MYO3B: variants seen among roughly 807,000 people sequenced by gnomAD.
The protein encoded by MYO3B is myosin-IIIb.
A neutral mutation model predicts 174.6 loss-of-function variants in MYO3B; 156 were observed. The ratio of observed to expected loss-of-function variants is 0.89; its 90% CI spans 0.78 to 1.02. The LOEUF (loss-of-function observed/expected upper bound fraction) is 1.02, where lower values mean the gene tolerates loss of function less well. Among genes scored for constraint, MYO3B ranks in the 50% least tolerant of loss-of-function variants. MYO3B has a pLI of 0.00. For missense variants in MYO3B, 1,632 were observed against 1,639.4 expected, an observed-to-expected ratio of 1.00 and a Z score of 0.08; for synonymous variants, 563 against 569.1, an observed-to-expected ratio of 0.99 and a Z score of 0.15.
chr2:170,369,351 G>A lies in MYO3B; in HGVS notation c.945G>A (p.Lys315=). The change falls in exon 9 of 35, where the codon AAG becomes AAA. Residue 315 remains lysine, a synonymous_variant. Transcript: ENST00000408978. ...KQLAKVLQDQ[K]HQNPVAKTRH... ...TGGCCAAGGTTCTCCAAGACCAGAA[G>A]CATCAAAATCCTGTTGCTAAAACCA... is the stretch of plus-strand genomic sequence containing the variant. The A allele has an allele frequency of 6.2e-7, 1 of 1,613,284 alleles. No homozygotes were observed. The highest frequency in any genetic ancestry group is 8.5e-7 in the Non-Finnish European group (1 of 1,179,390).
intron 7 of MYO3B, among the ~76,000 whole-genome samples, chr2:170,246,385 G>A (rs2093189658): frequency 6.6e-6 from 1 of 152,234 alleles, no homozygotes. Context: ...CAGGTATGTT[G>A]AAGTTTTAAC....
intron 22 of MYO3B, among the ~76,000 whole-genome samples, chr2:170,430,871 G>C (rs1426721187): frequency 6.6e-6 from 1 of 152,116 alleles, no homozygotes; most frequent in Admixed American, 6.5e-5. Context: ...TGAAGTAGGG[G>C]GAATTAGATA....
At chr2:170,646,186 G>T (rs185825156) in intron 32 of MYO3B, among the ~76,000 whole-genome samples, 1 of 151,508 alleles carries the variant, frequency 6.6e-6, no homozygotes, top group East Asian at 2.0e-4. Context: ...AAGGAGAATC[G>T]CTTGAACCTG....
chr2:170,404,007 C>T (rs1042101907), intron 19 of MYO3B, among the ~76,000 whole-genome samples: 2 of 152,166 alleles, frequency 1.3e-5, no homozygotes, highest in African/African-American at 4.8e-5. Flanking sequence ...GTTACCAAGT[C>T]CACATTTGAG....
chr2:170,366,031 G>A (rs1209141074), intron 8 of MYO3B, among the ~76,000 whole-genome samples: 1 of 152,112 alleles, frequency 6.6e-6, no homozygotes, highest in Non-Finnish European at 1.5e-5. Flanking sequence ...TAGGAGGAGG[G>A]AGTGAAGTGA....
chr2:170,227,903 A>T (rs2092969649), intron 6 of MYO3B, among the ~76,000 whole-genome samples: 1 of 152,076 alleles, frequency 6.6e-6, no homozygotes, highest in African/African-American at 2.4e-5. Flanking sequence ...TAACTTTCTG[A>T]ATCTGTTTCC....
intron 6 of MYO3B, among the ~76,000 whole-genome samples, chr2:170,220,391 A>G (rs2092882508): frequency 6.6e-6 from 1 of 151,708 alleles, no homozygotes; most frequent in South Asian, 2.1e-4. Context: ...AGCACTTTGG[A>G]AGGCGGAGGC....
At chr2:170,216,015 G>C (rs1429586969) in intron 5 of MYO3B, among the ~76,000 whole-genome samples, 1 of 152,202 alleles carries the variant, frequency 6.6e-6, no homozygotes, top group Non-Finnish European at 1.5e-5. Context: ...AACCAGAAAG[G>C]TATAGTTGTT....
At chr2:170,234,913 T>A (rs183027664) in intron 6 of MYO3B, among the ~76,000 whole-genome samples, 1 of 152,342 alleles carries the variant, frequency 6.6e-6, no homozygotes, top group East Asian at 1.9e-4. Flanking sequence ...ACTGGTTTTG[T>A]TTCTTCTCCT....
At chr2:170,631,070 GAGA>G (rs59020848) in intron 32 of MYO3B, among the ~76,000 whole-genome samples, 36 of 152,344 alleles carry the variant, frequency 2.4e-4, no homozygotes, top group African/African-American at 8.4e-4. Flanking sequence ...GACGAGTTGA[GAGA>G]AGAAGGCTTC....
chr2:170,446,035 C>T (rs2094839848), intron 23 of MYO3B, among the ~76,000 whole-genome samples: 1 of 152,114 alleles, frequency 6.6e-6, no homozygotes, highest in Non-Finnish European at 1.5e-5. Context: ...TTAAACAGAC[C>T]TCAAAAAGGA....
At chr2:170,361,987 G>C (rs1472293514) in intron 8 of MYO3B, among the ~76,000 whole-genome samples, 2 of 152,120 alleles carry the variant, frequency 1.3e-5, no homozygotes, top group African/African-American at 4.8e-5. Flanking sequence ...AGGGTAAAGA[G>C]GTTCCTGGTT....
At chr2:170,439,075 G>T (rs937893256) in intron 22 of MYO3B, among the ~76,000 whole-genome samples, 24 of 131,788 alleles carry the variant, frequency 1.8e-4, no homozygotes, top group Non-Finnish European at 3.3e-4. Context: ...TATTTAAATT[G>T]TTTTTTTTTT....
chr2:170,402,385 C>T (rs1286570637), intron 18 of MYO3B, among the ~76,000 whole-genome samples: 2 of 152,130 alleles, frequency 1.3e-5, no homozygotes, highest in African/African-American at 2.4e-5. Context: ...TTAAAGCACA[C>T]TATCTTACAT....
At chr2:170,649,856 TAAAAAAAAA>T (rs56278025) in intron 32 of MYO3B, 1 of 116,718 alleles carries the variant, frequency 8.6e-6, no homozygotes, top group Non-Finnish European at 1.7e-5. Context: ...TGCTATAGTG[TAAAAAAAAA>T]AAAAAACAAA....
chr2:170,191,568 G>A (rs1479498699), intron 1 of MYO3B, among the ~76,000 whole-genome samples: 1 of 152,146 alleles, frequency 6.6e-6, no homozygotes, highest in Non-Finnish European at 1.5e-5. Context: ...CGTGGATGCT[G>A]GCTGAGTTCT....
At chr2:170,347,977 G>C (rs979318509) in intron 8 of MYO3B, 2 of 152,076 alleles carry the variant, frequency 1.3e-5, no homozygotes, top group African/African-American at 4.8e-5. Flanking sequence ...CATATAAATG[G>C]AATCATACAA....
At position 170,653,058 on chromosome 2, in the gene MYO3B, C is replaced by A. The variant is rs1699110779; in HGVS notation, c.3963C>A (p.Asn1321Lys). The stretch of plus-strand genomic sequence containing the variant: ...CAGTGGACTGTATCCCTGAGGAGAA[C>A]AACTCAGCCCACCCTTCCTTTTTTT... ...LSPVDCIPEE[N>K]NSAHPSFFSS... is the part of the protein sequence containing the mutation. The change falls in exon 35 of 35, where the codon AAC (asparagine) becomes AAA (lysine). Residue 1321 changes from asparagine (N) to lysine (K), a missense_variant. Physicochemically the swap from Asn to Lys is moderately conservative, Grantham distance 94. Coordinates refer to ENST00000408978, the MANE Select transcript of MYO3B (RefSeq NM_138995.5). 6.2e-7 allele frequency: 1 copy of A among 1,614,044 alleles called. No homozygotes were observed. The highest frequency in any genetic ancestry group is 1.1e-5 in the South Asian group (1 of 91,080).
intron 6 of MYO3B, among the ~76,000 whole-genome samples, chr2:170,226,126 C>T (rs943405866): frequency 6.6e-6 from 1 of 152,134 alleles, no homozygotes; most frequent in African/African-American, 2.4e-5. Flanking sequence ...AATGTTGATG[C>T]CGTGGCTGCT....
Sources: allele counts gnomAD v4.1 joint callset (sites outside exome capture counted in the v4.1 genomes callset), GRCh38; gene constraint gnomAD v4.1.1; transcripts MANE v1.5; gene names NCBI Gene and HGNC (gene_info 2026-07-23, HGNC 2026-07-21).